Variants in DNAH17 observed in about 807,000 individuals in gnomAD.
The protein encoded by DNAH17 is axonemal beta dynein heavy chain 17.
A neutral mutation model predicts 485.6 loss-of-function variants in DNAH17; 376 were observed. The observed-to-expected ratio is 0.77, with a 90% CI of 0.71 to 0.84. DNAH17 has a LOEUF of 0.84. Ranked by LOEUF, DNAH17 falls within the 40% of genes least tolerant of loss-of-function variation. The pLI is 0.00. For synonymous variants in DNAH17, 3,031 were observed against 2,405.9 expected (o/e 1.26, Z -7.60); for missense variants, 6,370 against 5,839.3 (o/e 1.09, Z -2.96).
At chr17:78,433,130 C>T (rs891471111) in intron 75 of DNAH17, among the ~76,000 whole-genome samples, 1 of 152,160 alleles carries the variant, frequency 6.6e-6, no homozygotes, top group African/African-American at 2.4e-5. Context: ...AGGAGGAGGA[C>T]CCAGGGTTTA....
At chr17:78,480,057 G>T (rs555255667) in intron 49 of DNAH17, among the ~76,000 whole-genome samples, 3 of 68,232 alleles carry the variant, frequency 4.4e-5, no homozygotes, top group African/African-American at 1.3e-4. Context: ...TTTAAAAAAA[G>T]TATGTCCCAG....
At chr17:78,475,908 G>A in intron 52 of DNAH17, 75 bp from the exon 53 acceptor site, 2 of 1,521,382 alleles carry the variant, frequency 1.3e-6, no homozygotes, top group South Asian at 1.3e-5. Flanking sequence ...CAGCAATTCA[G>A]TACTTTGCCA....
At chr17:78,457,748 C>T (rs1237986987) in intron 62 of DNAH17, among the ~76,000 whole-genome samples, 1 of 151,562 alleles carries the variant, frequency 6.6e-6, no homozygotes, top group Non-Finnish European at 1.5e-5. Flanking sequence ...GCAACCTCCG[C>T]CTCCTGGGTT....
intron 54 of DNAH17, among the ~76,000 whole-genome samples, chr17:78,469,294 A>G (rs562263446): frequency 6.6e-6 from 1 of 152,200 alleles, no homozygotes; most frequent in Admixed American, 6.5e-5. Context: ...GGCACCCGCC[A>G]CCACGCCTGG....
chr17:78,450,872 T>A, intron 66 of DNAH17, 26 bp from the exon 67 acceptor site: 1 of 1,611,390 alleles, frequency 6.2e-7, no homozygotes, highest in Non-Finnish European at 8.5e-7. Context: ...CAGGAGTCAC[T>A]GCATTGCCTG....
chr17:78,460,252 G>A lies in DNAH17; in HGVS notation c.9345C>T (p.Val3115=), dbSNP rs769506166. 9 of 1,599,294 alleles carry A rather than the reference G, an allele frequency of 5.6e-6. No individual in the cohort carries two copies. The highest frequency in any genetic ancestry group is 7.7e-6 in the Non-Finnish European group (9 of 1,172,072). The change falls in exon 59 of 81, where the codon GTC becomes GTT. Residue 3115 remains valine, a synonymous_variant. Coordinates refer to ENST00000389840, the MANE Select transcript of DNAH17 (RefSeq NM_173628.4). ...EVKVEVINKN[V]TEKQKACETD... ...TTTCACAGGCCTTTTGCTTCTCAGT[G>A]ACGTTCTGGAAGGAAGATGGACAGG... is the stretch of plus-strand genomic sequence containing the variant.
intron 9 of DNAH17, among the ~76,000 whole-genome samples, chr17:78,568,034 C>T (rs1282385042): frequency 6.6e-6 from 1 of 152,152 alleles, no homozygotes; most frequent in African/African-American, 2.4e-5. Flanking sequence ...ACCAACACCA[C>T]CCCGAGGAGA....
chr17:78,429,153 CG>C lies in DNAH17; in HGVS notation c.12372del (p.Gly4125AlafsTer40), dbSNP rs1300763825. ...TCCAGGTTGGGGGGGATCTGAAAGCCGGGGGCCAGCAGGACGTCTCCCTCCA... is the reference window on the plus strand; with the variant it reads ...TCCAGGTTGGGGGGGATCTGAAAGCCGGGGCCAGCAGGACGTCTCCCTCCA... ...EMLEGDVLLAPGFQIPPNLDY... is the reference protein window; with the variant it reads ...EMLEGDVLLAXGFQIPPNLDY... On this transcript the variant is annotated frameshift_variant, in exon 76 of 81. Coordinates refer to ENST00000389840, the MANE Select transcript of DNAH17 (RefSeq NM_173628.4). LOFTEE classifies it high-confidence loss of function. 2 of 1,613,252 alleles carry C rather than the reference CG, an allele frequency of 1.2e-6. No individual in the cohort carries two copies. The highest frequency in any genetic ancestry group is 1.7e-6 in the Non-Finnish European group (2 of 1,179,788).
At chr17:78,479,816 A>G (rs530950621) in intron 49 of DNAH17, among the ~76,000 whole-genome samples, 184 bp from the exon 50 acceptor site, 1 of 152,280 alleles carries the variant, frequency 6.6e-6, no homozygotes, top group South Asian at 2.1e-4. Flanking sequence ...ATCATTACAC[A>G]TGAAACAGAC....
At chr17:78,462,623 A>G (rs984396623) in intron 57 of DNAH17, among the ~76,000 whole-genome samples, 1 of 152,242 alleles carries the variant, frequency 6.6e-6, no homozygotes, top group Non-Finnish European at 1.5e-5. Flanking sequence ...CCTCCATACA[A>G]TCAACATTGT....
chr17:78,429,325 G>C (rs775099385), intron 75 of DNAH17, 25 bp from the exon 76 acceptor site: 22 of 1,606,872 alleles, frequency 1.4e-5, no homozygotes, highest in Middle Eastern at 1.7e-4. Flanking sequence ...CAGCGGGTAG[G>C]GGAAAGTGCC....
chr17:78,498,893 G>C (rs933626574), intron 37 of DNAH17, 115 bp downstream of exon 37: 2 of 756,822 alleles, frequency 2.6e-6, no homozygotes, highest in African/African-American at 1.8e-5. Flanking sequence ...ACCACCCTTC[G>C]GTGCTTGGAA....
At chr17:78,484,742 C>CCCTGCCG in intron 48 of DNAH17, 126 bp downstream of exon 48, 2 of 322,912 alleles carry the variant, frequency 6.2e-6, no homozygotes, top group Non-Finnish European at 1.0e-5. Context: ...TTGCAGCACC[C>CCCTGCCG]CCCCCACCGC....
intron 25 of DNAH17, among the ~76,000 whole-genome samples, chr17:78,519,025 G>A (rs947924629): frequency 4.4e-4 from 67 of 151,736 alleles, no homozygotes; most frequent in Admixed American, 3.5e-3. Context: ...AAAATTAGCC[G>A]GGCGTGGTGG....
chr17:78,486,294 C>G lies in DNAH17; in HGVS notation c.7031G>C (p.Arg2344Thr). ...CACGAAGTACAGCTCGTACAGCTCC[C>G]TGGGGGAGTCGGGGGGCACGGTCTT... Reference protein sequence around the residue: ...TEKTVPPDSPRELYELYFVFT... With the variant: ...TEKTVPPDSPTELYELYFVFT... Residue 2344 changes from arginine to threonine, a missense_variant, in exon 45 of 81, where the codon AGG becomes ACG. Physicochemically the swap from Arg to Thr is moderately conservative, Grantham distance 71. Coordinates refer to ENST00000389840, the MANE Select transcript of DNAH17 (RefSeq NM_173628.4). 6.2e-7 allele frequency: 1 copy of G among 1,612,646 alleles called. No homozygotes were observed. The highest frequency in any genetic ancestry group is 8.5e-7 in the Non-Finnish European group (1 of 1,178,894).
At chr17:78,576,347 T>A (rs1011723311) in intron 1 of DNAH17, among the ~76,000 whole-genome samples, 2 of 152,284 alleles carry the variant, frequency 1.3e-5, no homozygotes, top group South Asian at 2.1e-4. Flanking sequence ...CTGAGATTTA[T>A]TCAAGGCTCC....
intron 2 of DNAH17, among the ~76,000 whole-genome samples, chr17:78,573,832 G>A (rs933358575): frequency 6.6e-6 from 1 of 152,096 alleles, no homozygotes; most frequent in African/African-American, 2.4e-5. Context: ...AATGTCTGGT[G>A]TACAAGCGAA....
At chr17:78,498,365 C>T (rs1220282195) in intron 37 of DNAH17, among the ~76,000 whole-genome samples, 1 of 152,162 alleles carries the variant, frequency 6.6e-6, no homozygotes, top group African/African-American at 2.4e-5. Flanking sequence ...CTAGGTCGGC[C>T]TCCACTTACC....
chr17:78,561,304 G>C (rs1295608858), intron 12 of DNAH17, among the ~76,000 whole-genome samples: 2 of 150,810 alleles, frequency 1.3e-5, no homozygotes, highest in African/African-American at 4.9e-5. Flanking sequence ...CCCCCTCCTA[G>C]TCAGCTGCAC....
Sources: allele counts gnomAD v4.1 joint callset (sites outside exome capture counted in the v4.1 genomes callset), GRCh38; gene constraint gnomAD v4.1.1; transcripts MANE v1.5; gene names NCBI Gene and HGNC (gene_info 2026-07-23, HGNC 2026-07-21).